KCND2: variants seen among roughly 807,000 people sequenced by gnomAD.
KCND2 encodes the protein A-type voltage-gated potassium channel KCND2.
A neutral mutation model predicts 54.4 loss-of-function variants in KCND2; 16 were observed. The observed-to-expected ratio is 0.29, with a 90% CI of 0.20 to 0.45. The LOEUF (loss-of-function observed/expected upper bound fraction) is 0.45, where lower values mean the gene tolerates loss of function less well. Ranked by LOEUF, KCND2 falls within the 20% of genes least tolerant of loss-of-function variation. The probability of loss-of-function intolerance (pLI) is 1.00; values close to 1 mark genes in which losing one functional copy is unlikely to be tolerated. For synonymous variants in KCND2, 317 were observed against 310.7 expected (o/e 1.02, Z -0.21); for missense variants, 486 against 824.2 (o/e 0.59, Z 5.02).
At chr7:120,306,597 A>G (rs942716175) in intron 1 of KCND2, among the ~76,000 whole-genome samples, 1 of 152,038 alleles carries the variant, frequency 6.6e-6, no homozygotes, top group African/African-American at 2.4e-5. Context: ...GTTTGCAAAA[A>G]TATCTCTAAT....
chr7:120,306,248 T>C (rs1040196315), intron 1 of KCND2, among the ~76,000 whole-genome samples: 1 of 152,164 alleles, frequency 6.6e-6, no homozygotes, highest in Admixed American at 6.6e-5. Context: ...CCATACAAAG[T>C]TTTTAGATCT....
chr7:120,520,699 A>G (rs1320311335), intron 1 of KCND2, among the ~76,000 whole-genome samples: 1 of 152,190 alleles, frequency 6.6e-6, no homozygotes, highest in Non-Finnish European at 1.5e-5. Flanking sequence ...ATAAGTTGCT[A>G]GTAAATGAAA....
intron 1 of KCND2, among the ~76,000 whole-genome samples, chr7:120,369,167 A>G (rs1800729124): frequency 6.6e-6 from 1 of 152,000 alleles, no homozygotes; most frequent in African/African-American, 2.4e-5. Context: ...TGACAAGCAT[A>G]AAAGTTTCAA....
intron 1 of KCND2, among the ~76,000 whole-genome samples, chr7:120,721,157 T>A (rs1410882986): frequency 6.6e-6 from 1 of 152,200 alleles, no homozygotes; most frequent in Non-Finnish European, 1.5e-5. Flanking sequence ...TTTTGGGTCA[T>A]CTTTGTTTTT....
At chr7:120,351,209 A>C (rs1217889235) in intron 1 of KCND2, among the ~76,000 whole-genome samples, 2 of 144,180 alleles carry the variant, frequency 1.4e-5, no homozygotes, top group Non-Finnish European at 3.0e-5. Context: ...TTTATACTGT[A>C]TGACAATACC....
At chr7:120,628,103 T>C (rs1377721000) in intron 1 of KCND2, among the ~76,000 whole-genome samples, 2 of 152,206 alleles carry the variant, frequency 1.3e-5, no homozygotes, top group Non-Finnish European at 2.9e-5. Flanking sequence ...ATAGCTTTTT[T>C]GTTTTTAATC....
At chr7:120,525,712 A>G (rs1791763795) in intron 1 of KCND2, among the ~76,000 whole-genome samples, 1 of 152,202 alleles carries the variant, frequency 6.6e-6, no homozygotes, top group African/African-American at 2.4e-5. Flanking sequence ...CAATGTGCCT[A>G]GCGTAAAGCC....
At chr7:120,482,711 C>T (rs1213499509) in intron 1 of KCND2, among the ~76,000 whole-genome samples, 1 of 152,124 alleles carries the variant, frequency 6.6e-6, no homozygotes, top group African/African-American at 2.4e-5. Context: ...ATGCTGGCAC[C>T]ATGCTCTTGG....
chr7:120,656,719 T>C (rs906045172), intron 1 of KCND2, among the ~76,000 whole-genome samples: 2 of 152,218 alleles, frequency 1.3e-5, no homozygotes, highest in Non-Finnish European at 2.9e-5. Context: ...CTAATTAATA[T>C]GACTTATCCT....
intron 4 of KCND2, among the ~76,000 whole-genome samples, chr7:120,742,810 T>G (rs1340792603): frequency 6.6e-6 from 1 of 152,204 alleles, no homozygotes; most frequent in Admixed American, 6.6e-5. Context: ...AGAAACTTAT[T>G]TAAAATGTTT....
chr7:120,605,641 C>T (rs1251349778), intron 1 of KCND2, among the ~76,000 whole-genome samples: 1 of 152,140 alleles, frequency 6.6e-6, no homozygotes, highest in Non-Finnish European at 1.5e-5. Context: ...GAGGTACTTC[C>T]AAATTGTTTT....
intron 1 of KCND2, among the ~76,000 whole-genome samples, chr7:120,389,544 T>TA (rs1360392253): frequency 1.3e-5 from 2 of 151,864 alleles, no homozygotes; most frequent in African/African-American, 4.8e-5. Context: ...ATCCTCTCCC[T>TA]ACTCCTAGTA....
rs561019934 is a variant in KCND2 at position 120,610,788 on chromosome 7, C to T, written c.1116-122115C>T. Among the ~76,000 whole-genome samples the T allele has an allele frequency of 2.0e-5, 3 of 152,294 alleles. No individual in the cohort carries two copies. In the East Asian group the frequency reaches 5.8e-4, roughly 29 times the overall value. ...ATTCTCTCTTTTTAAAAAGTGCATA[C>T]CTTCACACTGATGGAGAACATTAAC... On this transcript the variant is annotated intron_variant, in intron 1 of 5. Transcript: ENST00000331113.
At chr7:120,742,654 T>G (rs757053443) in intron 4 of KCND2, 52 bp downstream of exon 4, 57 of 1,361,194 alleles carry the variant, frequency 4.2e-5, no homozygotes, top group Non-Finnish European at 5.5e-5. Context: ...TAATTCCATT[T>G]GCTTTTGTGC....
At chr7:120,535,525 CAG>C (rs1008254614) in intron 1 of KCND2, among the ~76,000 whole-genome samples, 1 of 152,014 alleles carries the variant, frequency 6.6e-6, no homozygotes, top group African/African-American at 2.4e-5. Context: ...AAAATTGAAA[CAG>C]AGAGCGAGAG....
intron 1 of KCND2, among the ~76,000 whole-genome samples, chr7:120,385,030 A>G (rs1358150998): frequency 9.9e-6 from 1 of 100,900 alleles, no homozygotes; most frequent in East Asian, 3.6e-4. Flanking sequence ...TTTCTGAGAC[A>G]GGGTCTCACT....
intron 1 of KCND2, among the ~76,000 whole-genome samples, chr7:120,412,552 T>G (rs1801467256): frequency 6.6e-6 from 1 of 152,056 alleles, no homozygotes; most frequent in Non-Finnish European, 1.5e-5. Flanking sequence ...TGTTCCTCCA[T>G]ATGTTTTCCT....
intron 1 of KCND2, among the ~76,000 whole-genome samples, chr7:120,561,598 A>ATTTT (rs57015988): frequency 6.3e-5 from 3 of 47,334 alleles, no homozygotes; most frequent in East Asian, 5.6e-4. Flanking sequence ...AAGCTACCTG[A>ATTTT]TTTTTTTTTT....
intron 1 of KCND2, among the ~76,000 whole-genome samples, chr7:120,317,481 G>A (rs1016602578): frequency 6.6e-6 from 1 of 151,874 alleles, no homozygotes; most frequent in Non-Finnish European, 1.5e-5. Context: ...CTCCAAAAAA[G>A]GAATGCATTT....
Sources: allele counts gnomAD v4.1 joint callset (sites outside exome capture counted in the v4.1 genomes callset), GRCh38; gene constraint gnomAD v4.1.1; transcripts MANE v1.5; gene names NCBI Gene and HGNC (gene_info 2026-07-23, HGNC 2026-07-21).